Variants in APLF observed in about 807,000 individuals in gnomAD.
The protein encoded by APLF is aprataxin and PNK-like factor.
In APLF, 61 loss-of-function variants were observed where a neutral mutation model predicts 55.6. The observed-to-expected ratio is 1.10, with a 90% CI of 0.89 to 1.36. APLF has a LOEUF of 1.36. Among genes scored for constraint, APLF ranks in the 40% most tolerant of loss-of-function variants. The probability of loss-of-function intolerance (pLI) is 0.00; values close to 1 mark genes in which losing one functional copy is unlikely to be tolerated. For missense variants in APLF, 611 were observed against 602.5 expected, an observed-to-expected ratio of 1.01 and a Z score of -0.15; for synonymous variants, 207 against 214.8, an observed-to-expected ratio of 0.96 and a Z score of 0.32.
chr2:68,505,495 T>G (rs1439380778), intron 3 of APLF, among the ~76,000 whole-genome samples: 1 of 152,086 alleles, frequency 6.6e-6, no homozygotes, highest in Non-Finnish European at 1.5e-5. Flanking sequence ...TTTTTCGTAT[T>G]GATGAAACTG....
intron 5 of APLF, among the ~76,000 whole-genome samples, chr2:68,522,202 G>T (rs575833198): frequency 1.1e-4 from 16 of 151,772 alleles, no homozygotes; most frequent in African/African-American, 3.6e-4. Flanking sequence ...ATTAGATTCT[G>T]ATAAATAGTC....
At position 68,579,957 on chromosome 2, in the gene APLF, T is replaced by A. The variant is rs1671726954; in HGVS notation, c.*1935T>A. 2 of 833,598 alleles carry A rather than the reference T, an allele frequency of 2.4e-6. No homozygotes were observed. Among genetic ancestry groups the A allele is most frequent in the Admixed American group, 6.2e-5 (1 of 16,036 alleles). 51.6% of individuals were successfully genotyped at this position (833,598 alleles called of 1,614,324 possible). On this transcript the variant is annotated 3_prime_UTR_variant, in exon 10 of 10. Coordinates refer to ENST00000303795, the MANE Select transcript of APLF (RefSeq NM_173545.3). ...ATTGCACGTGAACTATATATTTCAA[T>A]AAATCTGTCACAAAAAAGTAATGCA...
chr2:68,508,306 C>G (rs1193414479), intron 3 of APLF, among the ~76,000 whole-genome samples: 1 of 151,686 alleles, frequency 6.6e-6, no homozygotes, highest in African/African-American at 2.4e-5. Flanking sequence ...GAAGTAAACC[C>G]CTACATTTAG....
intron 8 of APLF, chr2:68,563,178 A>T: frequency 1.0e-6 from 1 of 985,246 alleles, no homozygotes; most frequent in Non-Finnish European, 1.2e-6. Context: ...CTGTCTTTTT[A>T]TGAAAAGAGC....
At chr2:68,475,597 C>G (rs1038497376) in intron 1 of APLF, among the ~76,000 whole-genome samples, 1 of 152,170 alleles carries the variant, frequency 6.6e-6, no homozygotes, top group Non-Finnish European at 1.5e-5. Flanking sequence ...TGGGGAGTCT[C>G]TGGGCAAAAT....
intron 8 of APLF, among the ~76,000 whole-genome samples, chr2:68,564,713 G>A (rs1671252819): frequency 6.6e-6 from 1 of 151,988 alleles, no homozygotes; most frequent in Admixed American, 6.6e-5. Context: ...GGCTGAGTCA[G>A]GATTCCAATG....
intron 3 of APLF, among the ~76,000 whole-genome samples, chr2:68,512,129 T>C (rs111835563): frequency 1.3e-3 from 203 of 151,812 alleles, no homozygotes; most frequent in African/African-American, 4.6e-3. Context: ...AATATAGTCA[T>C]TTAAAATACT....
chr2:68,468,433 G>A (rs767489428), intron 1 of APLF, among the ~76,000 whole-genome samples: 5 of 151,992 alleles, frequency 3.3e-5, no homozygotes, highest in Non-Finnish European at 7.4e-5. Flanking sequence ...TTGGTCTAAG[G>A]AGACATTACC....
chr2:68,519,565 C>A (rs1669829868), intron 5 of APLF, among the ~76,000 whole-genome samples: 1 of 150,002 alleles, frequency 6.7e-6, no homozygotes, highest in African/African-American at 2.4e-5. Flanking sequence ...GGGAAAGTGT[C>A]TGCCCCTCCC....
rs192072002 is a variant in APLF at position 68,535,079 on chromosome 2, A to G, written c.805-2793A>G. Among the ~76,000 whole-genome samples, 731 of 152,352 alleles carry G rather than the reference A, an allele frequency of 4.8e-3. 3 individuals carry two copies. Among genetic ancestry groups the G allele is most frequent in the Non-Finnish European group, 7.3e-3 (496 of 68,036 alleles). On this transcript the variant is annotated intron_variant, in intron 6 of 9. Transcript: ENST00000303795. ...AAATATATTCGAGAACCCCTGATCC[A>G]TAGTATTGATATTTGGGACTTTAAC...
chr2:68,509,645 T>C (rs1676984186), intron 3 of APLF, among the ~76,000 whole-genome samples: 1 of 152,136 alleles, frequency 6.6e-6, no homozygotes, highest in East Asian at 1.9e-4. Flanking sequence ...TCAACCACTG[T>C]GGAAGACAAT....
At chr2:68,497,452 CTCTT>C (rs533435938) in intron 2 of APLF, among the ~76,000 whole-genome samples, 1 of 152,250 alleles carries the variant, frequency 6.6e-6, no homozygotes, top group East Asian at 1.9e-4. Flanking sequence ...CCCCTTCTCT[CTCTT>C]TCTCCTGCTC....
At chr2:68,472,538 T>C (rs1675652763) in intron 1 of APLF, among the ~76,000 whole-genome samples, 2 of 151,992 alleles carry the variant, frequency 1.3e-5, no homozygotes. Context: ...CAGAGCTTAG[T>C]CCTCAAGCTA....
chr2:68,502,442 A>C (rs941664788), intron 2 of APLF, among the ~76,000 whole-genome samples: 1 of 152,080 alleles, frequency 6.6e-6, no homozygotes, highest in Non-Finnish European at 1.5e-5. Flanking sequence ...ATTAAGCAAA[A>C]TAGAAGACTC....
chr2:68,518,862 T>C (rs1408588783), intron 5 of APLF, among the ~76,000 whole-genome samples: 4 of 126,458 alleles, frequency 3.2e-5, no homozygotes, highest in Admixed American at 8.7e-5. Context: ...TAATATTATG[T>C]CATTAATATG....
At chr2:68,506,946 A>T (rs1233775359) in intron 3 of APLF, among the ~76,000 whole-genome samples, 1 of 152,020 alleles carries the variant, frequency 6.6e-6, no homozygotes, top group Non-Finnish European at 1.5e-5. Context: ...ATGGATGCAT[A>T]TATACAAATA....
chr2:68,538,261 T>C, intron 7 of APLF, 34 bp downstream of exon 7: 1 of 1,534,604 alleles, frequency 6.5e-7, no homozygotes. Flanking sequence ...TTAATTCCAT[T>C]ATTTTGATAG....
chr2:68,557,652 C>G (rs6732827), intron 8 of APLF, among the ~76,000 whole-genome samples: 12,676 of 152,194 alleles, frequency 0.083, 583 homozygotes, highest in Middle Eastern at 0.12. Flanking sequence ...TGGCTCACAC[C>G]TGTAATCCCA....
intron 7 of APLF, among the ~76,000 whole-genome samples, chr2:68,539,879 A>G (rs980577307): frequency 1.3e-5 from 2 of 152,166 alleles, no homozygotes; most frequent in Non-Finnish European, 2.9e-5. Context: ...TCAACATTGC[A>G]GTAGAGATCA....
Sources: allele counts gnomAD v4.1 joint callset (sites outside exome capture counted in the v4.1 genomes callset), GRCh38; gene constraint gnomAD v4.1.1; transcripts MANE v1.5; gene names NCBI Gene and HGNC (gene_info 2026-07-23, HGNC 2026-07-21).